Variants in HPRT1 observed in about 807,000 individuals in gnomAD.
HPRT1 encodes hypoxanthine phosphoribosyltransferase 1.
A neutral mutation model predicts 19.0 loss-of-function variants in HPRT1; 4 were observed. The observed-to-expected ratio is 0.21, with a 90% CI of 0.10 to 0.48. HPRT1 has a LOEUF of 0.48. HPRT1 is among the 20% of genes least tolerant of loss of function. The probability of loss-of-function intolerance (pLI) is 0.98; values close to 1 mark genes in which losing one functional copy is unlikely to be tolerated. For missense variants in HPRT1, 65 were observed against 164.0 expected (o/e 0.40, Z 3.30); for synonymous variants, 53 against 54.9 (o/e 0.97, Z 0.15).
chrX:134,484,130 A>G (rs748211968), intron 3 of HPRT1, among the ~76,000 whole-genome samples: 3 of 111,728 alleles, frequency 2.7e-5, no homozygotes, highest in South Asian at 7.5e-4. Context: ...GATCACAGCA[A>G]TTTTTCCATG....
chrX:134,468,397 G>A (rs2077602617), intron 1 of HPRT1, among the ~76,000 whole-genome samples: 1 of 108,740 alleles, frequency 9.2e-6, no homozygotes, highest in African/African-American at 3.3e-5. Context: ...GGCGGATCAT[G>A]AGATCAGGAG....
chrX:134,497,355 G>A (rs1292575921), intron 6 of HPRT1, among the ~76,000 whole-genome samples: 1 of 111,334 alleles, frequency 9.0e-6, no homozygotes, highest in Non-Finnish European at 1.9e-5. Flanking sequence ...TGTGAGGCCG[G>A]GCGCAGTGGC....
intron 1 of HPRT1, among the ~76,000 whole-genome samples, chrX:134,461,277 A>T (rs781183881): frequency 8.9e-6 from 1 of 112,023 alleles, no homozygotes; most frequent in South Asian, 3.7e-4. Flanking sequence ...AAAACTTTTT[A>T]AGGGCAGGAA....
chrX:134,477,790 C>G (rs1231506656), intron 3 of HPRT1, among the ~76,000 whole-genome samples: 1 of 111,607 alleles, frequency 9.0e-6, no homozygotes, highest in Non-Finnish European at 1.9e-5. Flanking sequence ...TCTCCCACTT[C>G]GGCCTCCCGA....
intron 1 of HPRT1, among the ~76,000 whole-genome samples, chrX:134,468,264 T>A (rs1426518115): frequency 4.5e-5 from 5 of 111,118 alleles, no homozygotes; most frequent in African/African-American, 1.6e-4. Context: ...CAATAAATAT[T>A]TGCATATTAG....
At chrX:134,478,442 C>A (rs1033425938) in intron 3 of HPRT1, among the ~76,000 whole-genome samples, 18 of 110,518 alleles carry the variant, frequency 1.6e-4, no homozygotes, top group Middle Eastern at 4.6e-3. Context: ...CATAATGAGA[C>A]CCCCTCTCTA....
intron 1 of HPRT1, among the ~76,000 whole-genome samples, chrX:134,469,882 G>A (rs2077606409): frequency 8.9e-6 from 1 of 112,212 alleles, no homozygotes; most frequent in South Asian, 3.6e-4. Flanking sequence ...ATCTAGCAAG[G>A]TTTGTATTTT....
chrX:134,467,454 A>G (rs2077599935), intron 1 of HPRT1, among the ~76,000 whole-genome samples: 1 of 112,296 alleles, frequency 8.9e-6, no homozygotes, highest in South Asian at 3.6e-4. Context: ...GCATTTTTGT[A>G]TAATTGAATA....
chrX:134,484,087 C>A (rs1397734414), intron 3 of HPRT1, among the ~76,000 whole-genome samples: 1 of 111,700 alleles, frequency 9.0e-6, no homozygotes, highest in Non-Finnish European at 1.9e-5. Flanking sequence ...GCTTGGAGTT[C>A]TCTTGTTTCT....
rs868022968 is a variant in HPRT1, at chrX:134,492,032, T to C, written c.403-1476T>C. ...ATATAAATATATATACATATATATA[T>C]ATACACACACACACACATATATATA... On this transcript the variant is annotated intron_variant, in intron 5 of 8. Coordinates refer to ENST00000298556, the MANE Select transcript of HPRT1 (RefSeq NM_000194.3). Among the ~76,000 whole-genome samples, 69 of 98,510 alleles carry C rather than the reference T, an allele frequency of 7.0e-4. 1 individual carries two copies. The highest frequency in any genetic ancestry group is 2.4e-3 in the African/African-American group (63 of 25,835). 85.5% of individuals were successfully genotyped at this position (98,510 alleles called of 115,157 possible). A position where few individuals can be genotyped will look rare whatever the true frequency, so the allele number is the denominator to read the frequency against.
chrX:134,463,037 G>A (rs960041859), intron 1 of HPRT1, among the ~76,000 whole-genome samples: 2 of 111,850 alleles, frequency 1.8e-5, no homozygotes, highest in African/African-American at 6.5e-5. Flanking sequence ...TGTTTTAGGC[G>A]TTGAAGTAAA....
At position 134,466,424 on chromosome X, in the gene HPRT1, GAA is replaced by G. The variant is rs1205574444; in HGVS notation, c.27+6100_27+6101del. 1.6e-3 allele frequency among the ~76,000 whole-genome samples: 97 copies of G among 61,671 alleles called. 1 individual carries two copies. The highest frequency in any genetic ancestry group is 4.9e-3 in the African/African-American group (89 of 18,026). The allele number at this position is 61,671 out of a possible 115,157, so 53.6% of individuals were successfully genotyped here. On this transcript the variant is annotated intron_variant, in intron 1 of 8. Transcript: ENST00000298556. ...CAGAGTGAGACTCTGTCTCAAAAAA[GAA>G]AAAAAAAAAAAAAGAGACACCAGAG...
chrX:134,491,978 TATATATAC>T (rs1422156939), intron 5 of HPRT1, among the ~76,000 whole-genome samples: 3 of 99,448 alleles, frequency 3.0e-5, no homozygotes, highest in Non-Finnish European at 6.0e-5. Context: ...CATATATAAA[TATATATAC>T]ATATATATAT....
chrX:134,472,460 A>G (rs992607447), intron 1 of HPRT1, among the ~76,000 whole-genome samples: 2 of 111,764 alleles, frequency 1.8e-5, no homozygotes, highest in Non-Finnish European at 3.8e-5. Flanking sequence ...GCTCTTTAAA[A>G]TTTTTCTTTT....
intron 5 of HPRT1, among the ~76,000 whole-genome samples, chrX:134,490,676 A>G (rs908776547): frequency 1.9e-5 from 2 of 107,325 alleles, no homozygotes; most frequent in Non-Finnish European, 3.8e-5. Context: ...AACTAAGGGA[A>G]ACCTTTACTT....
chrX:134,492,585 G>T, intron 5 of HPRT1: 1 of 326,199 alleles, frequency 3.1e-6, no homozygotes, highest in South Asian at 2.7e-5. Context: ...GCCAGGGGTT[G>T]CTCCCAGATA....
At chrX:134,482,948 T>C (rs1236054988) in intron 3 of HPRT1, among the ~76,000 whole-genome samples, 1 of 110,304 alleles carries the variant, frequency 9.1e-6, no homozygotes, top group Non-Finnish European at 1.9e-5. Context: ...GATTATGATA[T>C]GAAGAGAAAA....
At position 134,484,765 on chromosome X, in the gene HPRT1, ATTAAT is replaced by A. The variant is rs1355419968; in HGVS notation, c.319-1695_319-1691del. ...GTATTACATTGTGTAGATGAACTTGATTAATTTAAATGGTTCCCTGTTAATGGACA... is the reference window on the plus strand; with the variant it reads ...GTATTACATTGTGTAGATGAACTTGATTAAATGGTTCCCTGTTAATGGACA... On this transcript the variant is annotated intron_variant, in intron 3 of 8. Coordinates refer to ENST00000298556, the MANE Select transcript of HPRT1 (RefSeq NM_000194.3). Among the ~76,000 whole-genome samples, 3 of 110,601 alleles carry A rather than the reference ATTAAT, an allele frequency of 2.7e-5. No homozygotes were observed. The Admixed American group carries it at 2.9e-4, about 11-fold the overall frequency.
At chrX:134,492,022 CAT>C (rs1171495373) in intron 5 of HPRT1, among the ~76,000 whole-genome samples, 10 of 85,923 alleles carry the variant, frequency 1.2e-4, no homozygotes, top group Non-Finnish European at 2.0e-4. Flanking sequence ...AATATATATA[CAT>C]ATATATATAT....
Sources: gnomAD v4.1 joint callset for allele counts (sites outside exome capture counted in the v4.1 genomes callset) on GRCh38, gnomAD v4.1.1 for gene constraint, MANE v1.5 for transcripts, NCBI Gene and HGNC (gene_info 2026-07-23, HGNC 2026-07-21) for gene names.